Variants in ERC2 observed in about 807,000 individuals in gnomAD.
ERC2 encodes the protein ERC protein 2.
A neutral mutation model predicts 114.8 loss-of-function variants in ERC2; 42 were observed. The ratio of observed to expected loss-of-function variants is 0.37; its 90% CI spans 0.29 to 0.47. The LOEUF (loss-of-function observed/expected upper bound fraction) is 0.47. Ranked by LOEUF, ERC2 falls within the 20% of genes least tolerant of loss-of-function variation. The pLI is 0.99. For synonymous variants in ERC2, 454 were observed against 425.5 expected (o/e 1.07, Z -0.82); for missense variants, 939 against 1,150.7 (o/e 0.82, Z 2.66).
chr3:56,449,488 C>T (rs1209941497), intron 1 of ERC2, among the ~76,000 whole-genome samples: 1 of 152,192 alleles, frequency 6.6e-6, no homozygotes, highest in Non-Finnish European at 1.5e-5. Context: ...GATGCTGGCA[C>T]TTTAATATCA....
At chr3:55,709,958 A>C (rs1365688544) in intron 15 of ERC2, among the ~76,000 whole-genome samples, 1 of 152,158 alleles carries the variant, frequency 6.6e-6, no homozygotes, top group Non-Finnish European at 1.5e-5. Context: ...GAGAAAATGT[A>C]AACATGCTCA....
chr3:55,572,390 C>G (rs1164322859), intron 17 of ERC2, among the ~76,000 whole-genome samples: 1 of 152,142 alleles, frequency 6.6e-6, no homozygotes, highest in Non-Finnish European at 1.5e-5. Flanking sequence ...GGTGTGCTTT[C>G]CTCAATCCTC....
chr3:56,146,665 T>C (rs2081153659), intron 5 of ERC2, among the ~76,000 whole-genome samples: 1 of 152,238 alleles, frequency 6.6e-6, no homozygotes, highest in African/African-American at 2.4e-5. Context: ...TTAGTCCATC[T>C]GAACCATCCT....
At chr3:56,193,813 C>A (rs550378621) in intron 3 of ERC2, among the ~76,000 whole-genome samples, 1 of 152,240 alleles carries the variant, frequency 6.6e-6, no homozygotes, top group South Asian at 2.1e-4. Flanking sequence ...ATCCGAAAGC[C>A]AAATTCCACA....
chr3:56,213,827 A>T (rs1385562859), intron 3 of ERC2, among the ~76,000 whole-genome samples: 10 of 152,084 alleles, frequency 6.6e-5, no homozygotes, highest in Admixed American at 5.9e-4. Flanking sequence ...CTTCCAGAGG[A>T]ACAGCAACAT....
At chr3:56,207,254 T>C (rs1171445534) in intron 3 of ERC2, among the ~76,000 whole-genome samples, 1 of 152,144 alleles carries the variant, frequency 6.6e-6, no homozygotes, top group Non-Finnish European at 1.5e-5. Flanking sequence ...ACCTTTTCCC[T>C]AATTACAAAA....
At chr3:56,025,345 G>A (rs79275424) in intron 7 of ERC2, among the ~76,000 whole-genome samples, 2,319 of 152,284 alleles carry the variant, frequency 0.015, 18 homozygotes, top group African/African-American at 0.032. Context: ...AGAAGTCTGG[G>A]CATGGCCTGA....
intron 1 of ERC2, among the ~76,000 whole-genome samples, chr3:56,437,870 G>T (rs2062097513): frequency 6.6e-6 from 1 of 152,144 alleles, no homozygotes; most frequent in Non-Finnish European, 1.5e-5. Flanking sequence ...GTGGCAGGGG[G>T]AGCAGACGAC....
chr3:55,890,053 T>C (rs963678855), intron 13 of ERC2, among the ~76,000 whole-genome samples: 13 of 152,206 alleles, frequency 8.5e-5, no homozygotes, highest in African/African-American at 3.1e-4. Context: ...GAATAACCTA[T>C]GAAAGTGACA....
At chr3:56,377,740 G>A (rs1045599437) in intron 2 of ERC2, among the ~76,000 whole-genome samples, 12 of 151,932 alleles carry the variant, frequency 7.9e-5, no homozygotes, top group African/African-American at 2.9e-4. Flanking sequence ...TCTGGAATTC[G>A]GGTGCAGTGA....
chr3:56,417,819 T>A (rs1224667054), intron 2 of ERC2, among the ~76,000 whole-genome samples: 1 of 152,134 alleles, frequency 6.6e-6, no homozygotes, highest in Non-Finnish European at 1.5e-5. Context: ...AGGCAGCATA[T>A]CAGATGCAAA....
At chr3:56,103,743 G>GTATCTATC (rs58839474) in intron 6 of ERC2, among the ~76,000 whole-genome samples, 8,178 of 149,116 alleles carry the variant, frequency 0.055, 248 homozygotes, top group Middle Eastern at 0.069. Context: ...AACTAGAAGT[G>GTATCTATC]TATCTATCTA....
chr3:56,409,772 G>C (rs910863650), intron 2 of ERC2, among the ~76,000 whole-genome samples: 27 of 152,164 alleles, frequency 1.8e-4, no homozygotes, highest in African/African-American at 6.5e-4. Flanking sequence ...GCTATACCTT[G>C]GTTCCTATTA....
At chr3:55,872,578 G>C (rs934381407) in intron 14 of ERC2, among the ~76,000 whole-genome samples, 4 of 152,148 alleles carry the variant, frequency 2.6e-5, no homozygotes, top group African/African-American at 9.7e-5. Flanking sequence ...GCAATGCCCA[G>C]ACATGACAGT....
intron 3 of ERC2, among the ~76,000 whole-genome samples, chr3:56,261,262 T>C (rs928564172): frequency 2.6e-5 from 4 of 152,204 alleles, no homozygotes; most frequent in African/African-American, 9.6e-5. Flanking sequence ...CTAGGTTAAG[T>C]AACCCTCTTA....
At chr3:55,628,103 T>G (rs1291353871) in intron 17 of ERC2, among the ~76,000 whole-genome samples, 3 of 92,324 alleles carry the variant, frequency 3.2e-5, no homozygotes, top group Non-Finnish European at 6.4e-5. Flanking sequence ...GTATCTATAG[T>G]TATACCCCCA....
chr3:55,593,803 G>C (rs940207587), intron 17 of ERC2, among the ~76,000 whole-genome samples: 3 of 152,096 alleles, frequency 2.0e-5, no homozygotes, highest in African/African-American at 7.2e-5. Context: ...GGTCCACAAA[G>C]AGGCCCCATT....
At chr3:56,270,925 C>T (rs1330540116) in intron 3 of ERC2, among the ~76,000 whole-genome samples, 1 of 151,998 alleles carries the variant, frequency 6.6e-6, no homozygotes, top group African/African-American at 2.4e-5. Flanking sequence ...GAGCTTGCAG[C>T]GAGCCGAGAT....
At chr3:56,454,776 G>A (rs1052442589) in intron 1 of ERC2, among the ~76,000 whole-genome samples, 1 of 150,734 alleles carries the variant, frequency 6.6e-6, no homozygotes, top group Admixed American at 6.6e-5. Flanking sequence ...ACGTGAACCC[G>A]GGAGGCAGAG....
Sources: allele counts gnomAD v4.1 joint callset (sites outside exome capture counted in the v4.1 genomes callset), GRCh38; gene constraint gnomAD v4.1.1; transcripts MANE v1.5; gene names NCBI Gene and HGNC (gene_info 2026-07-23, HGNC 2026-07-21).